The following RNASE13 variants were observed in gnomAD, a reference collection of about 807,000 sequenced individuals.
RNASE13 encodes the protein ribonuclease A family member 13 (inactive).
For synonymous variants in RNASE13, 67 were observed against 71.6 expected (o/e 0.94, Z 0.32); for missense variants, 188 against 192.8 (o/e 0.98, Z 0.15).
At position 21,033,871 on chromosome 14, in the gene RNASE13, G is replaced by A. The variant is rs533786523; in HGVS notation, c.418C>T (p.Arg140Cys). The A allele has an allele frequency of 1.7e-5, 27 of 1,614,052 alleles. No homozygotes were observed. Among genetic ancestry groups the A allele is most frequent in the South Asian group, 5.5e-5 (5 of 91,074 alleles). Residue 140 changes from arginine to cysteine, a missense_variant, in exon 2 of 2, where the codon CGC becomes TGC. Coordinates refer to ENST00000382951, the MANE Select transcript of RNASE13 (RefSeq NM_001012264.4). ...TNQKLYLLCS[R>C]KYEADPIGIA... The stretch of plus-strand genomic sequence containing the variant: ...CCTATTGGATCAGCTTCATACTTGC[G>A]GGAGCAGAGTAGGTAGAGCTTCTGG...
intron 1 of RNASE13, 49 bp from the exon 2 acceptor site, chr14:21,034,345 T>G (rs1594485288): frequency 1.6e-6 from 2 of 1,273,958 alleles, no homozygotes; most frequent in Non-Finnish European, 2.2e-6. Flanking sequence ...GAAGTGGCTG[T>G]CTGCCACATC....
Position 21,033,793 on chromosome 14 carries a change from T to C in RNASE13, c.*25A>G. 7.1e-7 allele frequency: 1 copy of C among 1,402,956 alleles called. No homozygotes were observed. Among genetic ancestry groups the C allele is most frequent in the Non-Finnish European group, 1.0e-6 (1 of 987,514 alleles). The allele number at this position is 1,402,956 out of a possible 1,614,324, so 86.9% of individuals were successfully genotyped here. ...AATGGAGACAGCTGGCCTGTGGTGG[T>C]AGAGGTTGGGGAGTGGCTCAGGAAT... On this transcript the variant is annotated 3_prime_UTR_variant, in exon 2 of 2. Coordinates refer to ENST00000382951, the MANE Select transcript of RNASE13 (RefSeq NM_001012264.4).
chr14:21,034,544 C>A, intron 1 of RNASE13, 112 bp downstream of exon 1: 1 of 472,918 alleles, frequency 2.1e-6, no homozygotes, highest in South Asian at 4.0e-5. Flanking sequence ...GCTACATTTG[C>A]AGAATAAGAG....
chr14:21,032,828 T>C lies in RNASE13; in HGVS notation c.*990A>G, dbSNP rs916481282. ...CACAACAGAGTCAGATGTGTGTTAT[T>C]AACTTTTTATTTTGAATTGATTATG... On this transcript the variant is annotated 3_prime_UTR_variant, in exon 2 of 2. Transcript: ENST00000382951. 4 of 412,804 alleles carry C rather than the reference T, an allele frequency of 9.7e-6. No individual in the cohort carries two copies. Among genetic ancestry groups the C allele is most frequent in the African/African-American group, 8.3e-5 (4 of 48,070 alleles). 25.6% of individuals were successfully genotyped at this position (412,804 alleles called of 1,614,324 possible).
rs185545100 is a variant in RNASE13 at position 21,032,976 on chromosome 14, C to A, written c.*842G>T. ...TTAGAAATTTATGTTCGATTAGAGC[C>A]GGGCCTGCCTCATTCGCTGCCTGGT... is the stretch of plus-strand genomic sequence containing the variant. On this transcript the variant is annotated 3_prime_UTR_variant, in exon 2 of 2. Transcript: ENST00000382951. The A allele has an allele frequency of 2.2e-6, 1 of 456,084 alleles. No homozygotes were observed. Among genetic ancestry groups the A allele is most frequent in the East Asian group, 6.9e-5 (1 of 14,392 alleles). 28.3% of individuals were successfully genotyped at this position (456,084 alleles called of 1,614,324 possible). A position where few individuals can be genotyped will look rare whatever the true frequency, so the allele number is the denominator to read the frequency against.
In RNASE13 at chr14:21,034,764, A is replaced by G. The variant is rs1884506200; in HGVS notation, c.-117T>C. 6.3e-6 allele frequency: 1 copy of G among 158,012 alleles called. No homozygotes were observed. Among genetic ancestry groups the G allele is most frequent in the Admixed American group, 6.2e-5 (1 of 16,102 alleles). 9.8% of individuals were successfully genotyped at this position (158,012 alleles called of 1,614,324 possible). A position where few individuals can be genotyped will look rare whatever the true frequency, so the allele number is the denominator to read the frequency against. ...GACAGTCAAGAGATGAGGAGAGGCT[A>G]GAAAGGTTTCTAGGTAAAAATCAGT... is the stretch of plus-strand genomic sequence containing the variant. On this transcript the variant is annotated 5_prime_UTR_variant, in exon 1 of 2. Transcript: ENST00000382951.
intron 1 of RNASE13, 147 bp from the exon 2 acceptor site, chr14:21,034,443 C>G: frequency 1.6e-6 from 1 of 642,192 alleles, no homozygotes; most frequent in Non-Finnish European, 2.7e-6. Flanking sequence ...AGAGGAGATG[C>G]TTGCCCAAGG....
In RNASE13 at chr14:21,033,455, G is replaced by C. The variant is rs1884386180; in HGVS notation, c.*363C>G. The C allele has an allele frequency of 1.3e-5, 4 of 307,998 alleles. No individual in the cohort carries two copies. In the South Asian group the frequency reaches 1.5e-4, roughly 11 times the overall value. 19.1% of individuals were successfully genotyped at this position (307,998 alleles called of 1,614,324 possible). A position where few individuals can be genotyped will look rare whatever the true frequency, so the allele number is the denominator to read the frequency against. On this transcript the variant is annotated 3_prime_UTR_variant, in exon 2 of 2. Transcript: ENST00000382951. ...GAGGTGAGACTCGGAGCTGGTGCCTGTTGCCATGGTGTGAGCTGAGGCCCT... is the reference window on the plus strand; with the variant it reads ...GAGGTGAGACTCGGAGCTGGTGCCTCTTGCCATGGTGTGAGCTGAGGCCCT...
At position 21,034,226 on chromosome 14, in the gene RNASE13, C is replaced by T. The variant is rs753614080; in HGVS notation, c.63G>A (p.Met21Ile). 5.6e-6 allele frequency: 9 copies of T among 1,613,944 alleles called. No individual in the cohort carries two copies. The highest frequency in any genetic ancestry group is 1.3e-5 in the African/African-American group (1 of 74,892). The stretch of plus-strand genomic sequence containing the variant: ...TGCTGCCAATCTGCATCTTGATGTC[C>T]ATGACCAGAGTTGGCCCCAGAACAA... The part of the protein sequence containing the change: ...LQLVLGPTLV[M>I]DIKMQIGSRN... Residue 21 changes from methionine to isoleucine, a missense_variant, in exon 2 of 2, where the codon ATG (methionine) becomes ATA (isoleucine). Physicochemically the swap from Met to Ile is conservative, Grantham distance 10. Coordinates refer to ENST00000382951, the MANE Select transcript of RNASE13 (RefSeq NM_001012264.4).
chr14:21,034,492 C>T (rs1884484653), intron 1 of RNASE13, among the ~76,000 whole-genome samples, 164 bp downstream of exon 1: 1 of 152,180 alleles, frequency 6.6e-6, no homozygotes, highest in African/African-American at 2.4e-5. Context: ...AGCCCTGCTC[C>T]CCTGGTCCAC....
chr14:21,033,613 G>T lies in RNASE13; in HGVS notation c.*205C>A. On this transcript the variant is annotated 3_prime_UTR_variant, in exon 2 of 2. Coordinates refer to ENST00000382951, the MANE Select transcript of RNASE13 (RefSeq NM_001012264.4). ...TGATGAGGAGGTGGGGGCGAAGAGG[G>T]GGTAAACAAGCTGGAAAGAACCTAG... 1.7e-6 allele frequency: 1 copy of T among 598,278 alleles called. No homozygotes were observed. The highest frequency in any genetic ancestry group is 2.9e-5 in the Admixed American group (1 of 34,628). The allele number at this position is 598,278 out of a possible 1,614,324, so 37.1% of individuals were successfully genotyped here.
Position 21,034,297 on chromosome 14 carries a change from C to T in RNASE13, c.-8-1G>A. The T allele has an allele frequency of 6.2e-7, 1 of 1,601,350 alleles. No individual in the cohort carries two copies. Among genetic ancestry groups the T allele is most frequent in the Non-Finnish European group, 8.5e-7 (1 of 1,172,896 alleles). On this transcript the variant is annotated splice_acceptor_variant, in intron 1 of 1. Coordinates refer to ENST00000382951, the MANE Select transcript of RNASE13 (RefSeq NM_001012264.4). LOFTEE classifies it low-confidence loss of function (5UTR_SPLICE). ...GTCACAGCTGGTGCCATTCCTCCTG[C>T]TGGTAGAGTTAAGGTGGTTGGGGGC...
chr14:21,034,076 G>T lies in RNASE13; in HGVS notation c.213C>A (p.Ile71=), dbSNP rs1884444729. Reference sequence around the variant, plus strand: ...TCCAAGGGGCATGTATCACATAATGGATCTTTGGGCAATCTGAATTTTGCA... The same window carrying T: ...TCCAAGGGGCATGTATCACATAATGTATCTTTGGGCAATCTGAATTTTGCA... ...GKMQNSDCPK[I]HYVIHAPWKA... Residue 71 remains isoleucine, a synonymous_variant, in exon 2 of 2, where the codon ATC becomes ATA. Transcript: ENST00000382951. 6.2e-7 allele frequency: 1 copy of T among 1,614,166 alleles called. No individual in the cohort carries two copies. The highest frequency in any genetic ancestry group is 1.7e-5 in the Admixed American group (1 of 60,014).
Position 21,033,290 on chromosome 14 carries a change from G to A in RNASE13, c.*528C>T, listed in dbSNP as rs562038611. On this transcript the variant is annotated 3_prime_UTR_variant, in exon 2 of 2. Transcript: ENST00000382951. Reference sequence around the variant, plus strand: ...AGAAGCAGGCTGGAAACTGGGGGTTGTGGGGAAGTGAGGCTAACATGAGTC... The same window carrying A: ...AGAAGCAGGCTGGAAACTGGGGGTTATGGGGAAGTGAGGCTAACATGAGTC... 213 of 315,280 alleles carry A rather than the reference G, an allele frequency of 6.8e-4. 1 individual carries two copies. Among genetic ancestry groups the A allele is most frequent in the Non-Finnish European group, 1.8e-4 (29 of 164,488 alleles). 19.5% of individuals were successfully genotyped at this position (315,280 alleles called of 1,614,324 possible). A position where few individuals can be genotyped will look rare whatever the true frequency, so the allele number is the denominator to read the frequency against.
Position 21,034,136 on chromosome 14 carries a change from A to C in RNASE13, c.153T>G (p.Tyr51Ter), listed in dbSNP as rs909333263. The stretch of plus-strand genomic sequence containing the variant: ...GCATATAGGACATCAGACCATTACA[A>C]TAGCCCCGGAAACCCTTTGGGTAGT... The part of the protein sequence containing the change: ...RVNYPKGFRG[Y>*]CNGLMSYMRG... Residue 51 changes from tyrosine (Y) to a stop codon, truncating the protein, a stop_gained, in exon 2 of 2, where the codon TAT (tyrosine) becomes TAG (stop). Transcript: ENST00000382951. LOFTEE classifies it low-confidence loss of function (END_TRUNC). 6 of 1,614,200 alleles carry C rather than the reference A, an allele frequency of 3.7e-6. No individual in the cohort carries two copies. Among genetic ancestry groups the C allele is most frequent in the Non-Finnish European group, 5.1e-6 (6 of 1,180,036 alleles).
chr14:21,034,545 A>G, intron 1 of RNASE13, 111 bp downstream of exon 1: 1 of 470,426 alleles, frequency 2.1e-6, no homozygotes, highest in Non-Finnish European at 3.8e-6. Flanking sequence ...CTACATTTGC[A>G]GAATAAGAGC....
chr14:21,034,352 C>T (rs1303590350), intron 1 of RNASE13, 56 bp from the exon 2 acceptor site: 1 of 1,186,006 alleles, frequency 8.4e-7, no homozygotes, highest in Non-Finnish European at 1.2e-6. Context: ...CTGTCTGCCA[C>T]ATCCCAGAGC....
At position 21,033,142 on chromosome 14, in the gene RNASE13, T is replaced by G. The variant is rs1306675588; in HGVS notation, c.*676A>C. The stretch of plus-strand genomic sequence containing the variant: ...TAAGAAGACTGGAAGAAAAAGAGGT[T>G]GGAAAAAGGAAGGCAGGGTGACTAC... On this transcript the variant is annotated 3_prime_UTR_variant, in exon 2 of 2. Coordinates refer to ENST00000382951, the MANE Select transcript of RNASE13 (RefSeq NM_001012264.4). The G allele has an allele frequency of 2.6e-6, 1 of 377,538 alleles. No individual in the cohort carries two copies. The highest frequency in any genetic ancestry group is 2.0e-5 in the South Asian group (1 of 49,504). 23.4% of individuals were successfully genotyped at this position (377,538 alleles called of 1,614,324 possible). A position where few individuals can be genotyped will look rare whatever the true frequency, so the allele number is the denominator to read the frequency against.
Position 21,034,151 on chromosome 14 carries a change from C to T in RNASE13, c.138G>A (p.Lys46=). 6.2e-7 allele frequency: 1 copy of T among 1,614,140 alleles called. No individual in the cohort carries two copies. The highest frequency in any genetic ancestry group is 1.1e-5 in the South Asian group (1 of 91,082). ...GACCATTACAATAGCCCCGGAAACC[C>T]TTTGGGTAGTTAACCCTGGGATAGT... ...SIDYPRVNYP[K]GFRGYCNGLM... is the part of the protein sequence containing the mutation. Residue 46 remains lysine (K), a synonymous_variant, in exon 2 of 2, where the codon AAG becomes AAA. Coordinates refer to ENST00000382951, the MANE Select transcript of RNASE13 (RefSeq NM_001012264.4).
Sources: allele counts gnomAD v4.1 joint callset (sites outside exome capture counted in the v4.1 genomes callset), GRCh38; gene constraint gnomAD v4.1.1; transcripts MANE v1.5; gene names NCBI Gene and HGNC (gene_info 2026-07-23, HGNC 2026-07-21).